Variants in PLA2G5 observed in about 807,000 individuals in gnomAD.
The protein encoded by PLA2G5 is Ca2+-dependent phospholipase A2.
PLA2G5 carries 12 observed loss-of-function variants against 15.9 expected under a neutral mutation model. The observed-to-expected ratio is 0.76, with a 90% CI of 0.48 to 1.23. The LOEUF is 1.23. Ranked by LOEUF, PLA2G5 falls within the 50% of genes most tolerant of loss-of-function variation. The pLI is 0.00. For missense variants in PLA2G5, 169 were observed against 177.1 expected, an observed-to-expected ratio of 0.95 and a Z score of 0.26; for synonymous variants, 71 against 71.4, an observed-to-expected ratio of 0.99 and a Z score of 0.03.
chr1:20,070,664 T>C (rs576352), intron 1 of PLA2G5, among the ~76,000 whole-genome samples, 199 bp downstream of exon 1: 85,559 of 152,010 alleles, frequency 0.56, 24,193 homozygotes, highest in Middle Eastern at 0.71. Context: ...AGAGCGGGCT[T>C]TTAAGGAGGC....
intron 1 of PLA2G5, among the ~76,000 whole-genome samples, chr1:20,034,519 C>T (rs949298066): frequency 1.3e-5 from 2 of 152,124 alleles, no homozygotes; most frequent in Non-Finnish European, 2.9e-5. Context: ...TAAGACCCAT[C>T]TGGTTTTTTT....
upstream of PLA2G5, chr1:20,069,129 A>G (rs2015206978): frequency 4.5e-6 from 2 of 440,744 alleles, no homozygotes; most frequent in African/African-American, 4.0e-5. Flanking sequence ...AAGAATTGAC[A>G]AATGTGATAT....
intron 1 of PLA2G5, among the ~76,000 whole-genome samples, chr1:20,036,213 G>A (rs957411392): frequency 3.9e-5 from 6 of 152,112 alleles, no homozygotes; most frequent in Non-Finnish European, 8.8e-5. Flanking sequence ...ATAATTATAT[G>A]TCTAGGTGAT....
intron 2 of PLA2G5, among the ~76,000 whole-genome samples, chr1:20,062,370 A>C (rs1006235822): frequency 1.3e-5 from 2 of 152,200 alleles, no homozygotes; most frequent in Non-Finnish European, 2.9e-5. Context: ...AAGATGCAAG[A>C]AACTTCAGTT....
chr1:20,044,037 G>T (rs2013760228), intron 1 of PLA2G5, among the ~76,000 whole-genome samples: 1 of 152,350 alleles, frequency 6.6e-6, no homozygotes, highest in Non-Finnish European at 1.5e-5. Context: ...AGTGGCTGCT[G>T]GGTGAGCTGG....
upstream of PLA2G5, among the ~76,000 whole-genome samples, chr1:20,069,247 G>T (rs1029706070): frequency 6.6e-6 from 1 of 151,868 alleles, no homozygotes; most frequent in Non-Finnish European, 1.5e-5. Context: ...CCCCTCATCT[G>T]ACCTATGCAA....
chr1:20,060,244 C>CTTT (rs2014642294), intron 2 of PLA2G5, among the ~76,000 whole-genome samples: 1 of 116,914 alleles, frequency 8.6e-6, no homozygotes, highest in African/African-American at 3.1e-5. Flanking sequence ...TTTCTTTTTT[C>CTTT]TTCTTTTTTT....
chr1:20,058,917 T>C (rs1379246101), intron 1 of PLA2G5, among the ~76,000 whole-genome samples: 1 of 152,076 alleles, frequency 6.6e-6, no homozygotes, highest in East Asian at 1.9e-4. Context: ...CTCATGCCTG[T>C]AATCCCAGCA....
At chr1:20,077,502 G>A (rs543236517) in intron 1 of PLA2G5, among the ~76,000 whole-genome samples, 1 of 152,266 alleles carries the variant, frequency 6.6e-6, no homozygotes, top group African/African-American at 2.4e-5. Flanking sequence ...TGTGCCAAGT[G>A]TTGGGTTACA....
At chr1:20,056,521 T>A (rs1465370367) in intron 1 of PLA2G5, among the ~76,000 whole-genome samples, 1 of 152,220 alleles carries the variant, frequency 6.6e-6, no homozygotes. Context: ...ATACATTAAT[T>A]GATTTTAAAA....
At chr1:20,060,652 G>A (rs2014677184) in intron 2 of PLA2G5, among the ~76,000 whole-genome samples, 2 of 152,072 alleles carry the variant, frequency 1.3e-5, no homozygotes, top group South Asian at 2.1e-4. Flanking sequence ...AGACTCAAAG[G>A]AAACAAGTGG....
intron 2 of PLA2G5, among the ~76,000 whole-genome samples, chr1:20,061,048 G>C (rs1477383461): frequency 6.6e-6 from 1 of 152,164 alleles, no homozygotes; most frequent in Non-Finnish European, 1.5e-5. Context: ...GCAGGAAACT[G>C]GACTGGATGG....
At chr1:20,065,651 G>A (rs549669640), upstream of PLA2G5, among the ~76,000 whole-genome samples, 4 of 152,274 alleles carry the variant, frequency 2.6e-5, no homozygotes, top group African/African-American at 9.6e-5. Flanking sequence ...TTGTATGGCT[G>A]TATCAGAGTT....
chr1:20,046,513 C>T (rs995247188), intron 1 of PLA2G5, among the ~76,000 whole-genome samples: 6 of 152,188 alleles, frequency 3.9e-5, no homozygotes, highest in African/African-American at 1.2e-4. Flanking sequence ...CCATCTGCAG[C>T]ATCAAAAATC....
At position 20,061,272 on chromosome 1, in the gene PLA2G5, G is replaced by T. The variant is rs1004675547; in HGVS notation, n.337+1580G>T. On this transcript the variant is annotated intron_variant and non_coding_transcript_variant, in intron 2 of 6. Transcript: ENST00000460175. Reference sequence around the variant, plus strand: ...ACATCCACACCACCCTGGCCTGACTGCCCCACTCATATTATAAATCTCTCA... The same window carrying T: ...ACATCCACACCACCCTGGCCTGACTTCCCCACTCATATTATAAATCTCTCA... 3.3e-5 allele frequency among the ~76,000 whole-genome samples: 5 copies of T among 152,170 alleles called. No individual in the cohort carries two copies. The East Asian group carries it at 9.7e-4, about 29-fold the overall frequency.
chr1:20,042,547 G>T (rs886475159), intron 1 of PLA2G5, among the ~76,000 whole-genome samples: 2 of 152,166 alleles, frequency 1.3e-5, no homozygotes, highest in African/African-American at 4.8e-5. Flanking sequence ...GAGTTAGGGA[G>T]ATCTAGGGTG....
intron 1 of PLA2G5, among the ~76,000 whole-genome samples, chr1:20,041,321 T>C (rs1218712191): frequency 6.6e-6 from 1 of 152,184 alleles, no homozygotes; most frequent in Admixed American, 6.5e-5. Flanking sequence ...AAACAGACTT[T>C]GTGTGAGAAA....
chr1:20,052,856 A>G (rs1233213509), intron 1 of PLA2G5, among the ~76,000 whole-genome samples: 8 of 152,156 alleles, frequency 5.3e-5, no homozygotes. Context: ...ATAAATGCAT[A>G]TCTGATTGCC....
At chr1:20,030,155 G>C (rs1244109611) in intron 1 of PLA2G5, among the ~76,000 whole-genome samples, 2 of 152,064 alleles carry the variant, frequency 1.3e-5, no homozygotes, top group Non-Finnish European at 2.9e-5. Context: ...CCAGCGCTTA[G>C]CATACGAAGG....
Sources: gnomAD v4.1 joint callset for allele counts (sites outside exome capture counted in the v4.1 genomes callset) on GRCh38, gnomAD v4.1.1 for gene constraint, MANE v1.5 for transcripts, NCBI Gene and HGNC (gene_info 2026-07-23, HGNC 2026-07-21) for gene names.